PTHLH: variants seen among roughly 807,000 people sequenced by gnomAD.
PTHLH encodes parathyroid hormone like hormone.
Under a neutral mutation model 18.6 loss-of-function variants are expected in PTHLH, and 5 were observed. The observed-to-expected ratio is 0.27, with a 90% CI of 0.14 to 0.56. The LOEUF (loss-of-function observed/expected upper bound fraction) is 0.56, where lower values mean the gene tolerates loss of function less well. Among genes scored for constraint, PTHLH ranks in the 20% least tolerant of loss-of-function variants. The pLI is 0.92. For missense variants in PTHLH, 207 were observed against 223.9 expected, an observed-to-expected ratio of 0.92 and a Z score of 0.48; for synonymous variants, 90 against 94.0, an observed-to-expected ratio of 0.96 and a Z score of 0.25.
intron 5 of PTHLH, among the ~76,000 whole-genome samples, chr12:27,958,935 A>G (rs571500900): frequency 2.0e-5 from 3 of 152,266 alleles, no homozygotes; most frequent in Non-Finnish European, 4.4e-5. Context: ...ACGTTGGACC[A>G]TCCATCATTA....
chr12:27,963,654 C>T lies in PTHLH; in HGVS notation c.218G>A (p.Arg73Lys). The change falls in exon 5 of 6, where the codon AGA (arginine) becomes AAA (lysine). Residue 73 changes from arginine to lysine, a missense_variant. Transcript: ENST00000545234. Reference sequence around the variant, plus strand: ...GTTAGGGGACACCTCCGAGGTAGCTCTGATTTCAGCTGTGTGGATTTCTGC... The same window carrying T: ...GTTAGGGGACACCTCCGAGGTAGCTTTGATTTCAGCTGTGTGGATTTCTGC... The part of the protein sequence containing the change: ...LIAEIHTAEI[R>K]ATSEVSPNSK... 6.2e-7 allele frequency: 1 copy of T among 1,613,780 alleles called. No homozygotes were observed. The highest frequency in any genetic ancestry group is 8.5e-7 in the Non-Finnish European group (1 of 1,179,876).
At chr12:27,969,569 C>A in intron 3 of PTHLH, 53 bp from the exon 4 acceptor site, 1 of 1,346,548 alleles carries the variant, frequency 7.4e-7, no homozygotes, top group Non-Finnish European at 1.0e-6. Flanking sequence ...TCCATCTCCC[C>A]GCACTACTCC....
At chr12:27,970,880 A>T (rs2062866296) in intron 2 of PTHLH, among the ~76,000 whole-genome samples, 1 of 152,202 alleles carries the variant, frequency 6.6e-6, no homozygotes, top group Non-Finnish European at 1.5e-5. Flanking sequence ...TCCCGGGATG[A>T]ACTGAGTGGG....
Position 27,968,050 on chromosome 12 carries a change from A to T in PTHLH, c.101+1344T>A, listed in dbSNP as rs77271916. On this transcript the variant is annotated intron_variant, in intron 4 of 5. Coordinates refer to ENST00000545234, the MANE Select transcript of PTHLH (RefSeq NM_198965.2). ...AAAAATTCAGTCTTCATTTCTATTTATGTATGAATTTCAAATTATTGAATT... is the reference window on the plus strand; with the variant it reads ...AAAAATTCAGTCTTCATTTCTATTTTTGTATGAATTTCAAATTATTGAATT... 3.9e-5 allele frequency among the ~76,000 whole-genome samples: 6 copies of T among 152,348 alleles called. No individual in the cohort carries two copies. In the East Asian group the frequency reaches 1.2e-3, roughly 29 times the overall value.
chr12:27,969,414 C>A lies in PTHLH; in HGVS notation c.81G>T (p.Val27=). 2 of 1,586,732 alleles carry A rather than the reference C, an allele frequency of 1.3e-6. No homozygotes were observed. Among genetic ancestry groups the A allele is most frequent in the Non-Finnish European group, 8.6e-7 (1 of 1,169,330 alleles). ...SYAVPSCGRS[V]EGLSRRLKRA... ...CTTACAGGCGGCGGCTGAGACCCTC[C>A]ACCGAGCGCCCGCAGGAGGGCACCG... The change falls in exon 4 of 6, where the codon GTG becomes GTT. Residue 27 remains valine (V), a synonymous_variant. Transcript: ENST00000545234.
intron 5 of PTHLH, among the ~76,000 whole-genome samples, chr12:27,960,868 A>C (rs1238117564): frequency 6.6e-6 from 1 of 152,188 alleles, no homozygotes; most frequent in Admixed American, 6.5e-5. Context: ...CTTATCACTT[A>C]TAAAACTTTA....
chr12:27,968,007 G>A (rs1403701552), intron 4 of PTHLH, among the ~76,000 whole-genome samples: 1 of 152,124 alleles, frequency 6.6e-6, no homozygotes, highest in East Asian at 1.9e-4. Context: ...AATAAATATA[G>A]TATTTAAGTG....
chr12:27,966,035 A>G (rs1006320618), intron 4 of PTHLH, among the ~76,000 whole-genome samples: 3 of 152,164 alleles, frequency 2.0e-5, no homozygotes, highest in Admixed American at 6.5e-5. Flanking sequence ...ATTTTAGCTT[A>G]ACTTGAGGCC....
rs1413016004 is a variant in PTHLH at position 27,958,117 on chromosome 12, T to C, written c.*442A>G. On this transcript the variant is annotated 3_prime_UTR_variant, in exon 6 of 6. Transcript: ENST00000545234. ...TAATTAGATTATATTTTATTAGACA[T>C]TCTTTACAAATTTAAAATACTGTTA... 1 of 152,680 alleles carries C rather than the reference T, an allele frequency of 6.5e-6. No individual in the cohort carries two copies. The highest frequency in any genetic ancestry group is 6.5e-5 in the Admixed American group (1 of 15,278). The allele number at this position is 152,680 out of a possible 1,614,324, so 9.5% of individuals were successfully genotyped here.
intron 2 of PTHLH, among the ~76,000 whole-genome samples, chr12:27,970,868 A>T (rs556855376): frequency 1.3e-5 from 2 of 152,308 alleles, no homozygotes; most frequent in South Asian, 2.1e-4. Context: ...TCCCTGGCCC[A>T]TTCCCGGGAT....
chr12:27,960,012 GAAGT>G (rs1024611652), intron 5 of PTHLH, among the ~76,000 whole-genome samples: 3 of 152,182 alleles, frequency 2.0e-5, no homozygotes, highest in Non-Finnish European at 4.4e-5. Context: ...GAAAGAAAAA[GAAGT>G]AAGTTAAAGG....
intron 2 of PTHLH, among the ~76,000 whole-genome samples, chr12:27,971,672 G>A (rs1038231225): frequency 3.3e-5 from 5 of 151,626 alleles, no homozygotes; most frequent in Non-Finnish European, 7.4e-5. Context: ...TGCTTAGGTT[G>A]GGTGGGGGGG....
chr12:27,968,283 T>C (rs2062835165), intron 4 of PTHLH, among the ~76,000 whole-genome samples: 1 of 152,354 alleles, frequency 6.6e-6, no homozygotes, highest in East Asian at 1.9e-4. Context: ...TCTCCTCTAA[T>C]AATAATAGAC....
At chr12:27,959,488 T>G (rs1365879047) in intron 5 of PTHLH, among the ~76,000 whole-genome samples, 1 of 152,244 alleles carries the variant, frequency 6.6e-6, no homozygotes, top group African/African-American at 2.4e-5. Context: ...TTTTCTTTGC[T>G]TTTCTGTCTC....
At position 27,969,314 on chromosome 12, in the gene PTHLH, GC is replaced by G. The variant is rs1027619979; in HGVS notation, c.101+79del. The G allele has an allele frequency of 2.2e-6, 3 of 1,353,164 alleles. 1 individual carries two copies. The African/African-American group carries it at 4.3e-5, about 20-fold the overall frequency. 83.8% of individuals were successfully genotyped at this position (1,353,164 alleles called of 1,614,324 possible). ...CAAGGAGCATCGGTGACCGCTGCAA[GC>G]CCTCGGCAGCATCCCAGCTTGGCAG... On this transcript the variant is annotated intron_variant, in intron 4 of 5. Coordinates refer to ENST00000545234, the MANE Select transcript of PTHLH (RefSeq NM_198965.2).
At position 27,970,100 on chromosome 12, in the gene PTHLH, T is replaced by C. The variant is rs772253731; in HGVS notation, c.-98A>G. 2 of 518,908 alleles carry C rather than the reference T, an allele frequency of 3.9e-6. No homozygotes were observed. The highest frequency in any genetic ancestry group is 5.4e-5 in the East Asian group (1 of 18,372). The allele number at this position is 518,908 out of a possible 1,614,324, so 32.1% of individuals were successfully genotyped here. On this transcript the variant is annotated 5_prime_UTR_variant, in exon 3 of 6. Coordinates refer to ENST00000545234, the MANE Select transcript of PTHLH (RefSeq NM_198965.2). ...GAACAAGTTTCAAGTGCGTGTGTCG[T>C]CGATCAGGAGGGCCAGGTGGCGGCG...
At chr12:27,970,873 C>T (rs2062866204) in intron 2 of PTHLH, among the ~76,000 whole-genome samples, 1 of 152,180 alleles carries the variant, frequency 6.6e-6, no homozygotes, top group South Asian at 2.1e-4. Context: ...GGCCCATTCC[C>T]GGGATGAACT....
At chr12:27,965,657 G>A (rs187903871) in intron 4 of PTHLH, among the ~76,000 whole-genome samples, 1 of 152,270 alleles carries the variant, frequency 6.6e-6, no homozygotes, top group Admixed American at 6.5e-5. Context: ...AATTTAACAG[G>A]AGCCTGGTTT....
chr12:27,966,006 A>G (rs1450828947), intron 4 of PTHLH, among the ~76,000 whole-genome samples: 3 of 152,176 alleles, frequency 2.0e-5, no homozygotes, highest in Admixed American at 6.5e-5. Context: ...TTGCTCTCCA[A>G]ATGGATAAAG....
Sources: gnomAD v4.1 joint callset for allele counts (sites outside exome capture counted in the v4.1 genomes callset) on GRCh38, gnomAD v4.1.1 for gene constraint, MANE v1.5 for transcripts, NCBI Gene and HGNC (gene_info 2026-07-23, HGNC 2026-07-21) for gene names.